NAALADL2: variants seen among roughly 807,000 people sequenced by gnomAD.
NAALADL2 encodes inactive N-acetylated-alpha-linked acidic dipeptidase-like protein 2.
NAALADL2 carries 76 observed loss-of-function variants against 87.2 expected under a neutral mutation model. The observed-to-expected ratio is 0.87, with a 90% CI of 0.72 to 1.05. NAALADL2 has a LOEUF of 1.05. Ranked by LOEUF, NAALADL2 falls within the 50% of genes least tolerant of loss-of-function variation. The pLI, the probability that NAALADL2 is intolerant of heterozygous loss-of-function variation, is 0.00. For missense variants in NAALADL2, 1,089 were observed against 945.8 expected, an observed-to-expected ratio of 1.15 and a Z score of -1.99; for synonymous variants, 354 against 331.0, an observed-to-expected ratio of 1.07 and a Z score of -0.75.
intron 2 of NAALADL2, among the ~76,000 whole-genome samples, chr3:175,133,899 T>C (rs1050798220): frequency 6.6e-6 from 1 of 152,204 alleles, no homozygotes; most frequent in East Asian, 1.9e-4. Context: ...TGAGGTGATG[T>C]AACTGAACAT....
chr3:175,661,236 C>T (rs1732206096), intron 11 of NAALADL2, among the ~76,000 whole-genome samples: 1 of 151,830 alleles, frequency 6.6e-6, no homozygotes, highest in South Asian at 2.1e-4. Flanking sequence ...TTGCATTTTC[C>T]TGTTGATTGA....
intron 11 of NAALADL2, among the ~76,000 whole-genome samples, chr3:175,631,378 A>T (rs1727738780): frequency 6.6e-6 from 1 of 151,838 alleles, no homozygotes; most frequent in African/African-American, 2.4e-5. Context: ...AATAAAATAA[A>T]TAAACCATAC....
rs528074390 is a variant in NAALADL2, at chr3:175,317,031, C to T, written c.940-7144C>T. Among the ~76,000 whole-genome samples the T allele has an allele frequency of 6.4e-4, 97 of 152,284 alleles. No homozygotes were observed. In the Middle Eastern group the frequency reaches 0.014, roughly 21 times the overall value. On this transcript the variant is annotated intron_variant, in intron 4 of 13. Transcript: ENST00000454872. The stretch of plus-strand genomic sequence containing the variant: ...GACAGTGGAAGAGGGAGCTAAATCA[C>T]ATATTGGGCTGTATCCCTTCAGGGC...
intron 1 of NAALADL2, among the ~76,000 whole-genome samples, chr3:174,987,995 T>A (rs1172456966): frequency 6.6e-6 from 1 of 151,432 alleles, no homozygotes; most frequent in Non-Finnish European, 1.5e-5. Context: ...ACCATAGCAA[T>A]GTATTTGATA....
At chr3:175,213,433 A>G (rs1336144171) in intron 2 of NAALADL2, among the ~76,000 whole-genome samples, 1 of 152,160 alleles carries the variant, frequency 6.6e-6, no homozygotes, top group Admixed American at 6.6e-5. Context: ...TCATGTAGGA[A>G]CTAGTGCTAT....
At chr3:175,352,144 C>G (rs1341788111) in intron 5 of NAALADL2, among the ~76,000 whole-genome samples, 1 of 149,278 alleles carries the variant, frequency 6.7e-6, no homozygotes, top group East Asian at 2.0e-4. Context: ...TGGTGAGAGA[C>G]AGAAGGAAAG....
intron 10 of NAALADL2, among the ~76,000 whole-genome samples, chr3:175,583,344 T>C (rs1720064954): frequency 6.6e-6 from 1 of 152,182 alleles, no homozygotes; most frequent in Admixed American, 6.5e-5. Context: ...CCATCGTAAG[T>C]TGGAGACTGT....
At chr3:174,789,702 A>G (rs1289646392) in intron 3 of NAALADL2, among the ~76,000 whole-genome samples, 1 of 152,230 alleles carries the variant, frequency 6.6e-6, no homozygotes, top group Non-Finnish European at 1.5e-5. Flanking sequence ...CTTTAACTGT[A>G]TACCATCAGC....
chr3:175,563,477 C>T (rs1256787627), intron 9 of NAALADL2, among the ~76,000 whole-genome samples: 3 of 152,070 alleles, frequency 2.0e-5, no homozygotes, highest in African/African-American at 4.8e-5. Context: ...TTTGGCACTC[C>T]GAGTCTAATT....
intron 2 of NAALADL2, chr3:175,218,156 C>A: frequency 2.3e-6 from 1 of 431,220 alleles, no homozygotes; most frequent in Non-Finnish European, 4.7e-6. Context: ...GCCAATATCT[C>A]TAAGAAGCAC....
chr3:175,212,966 G>C (rs1310665723), intron 2 of NAALADL2, among the ~76,000 whole-genome samples: 2 of 152,078 alleles, frequency 1.3e-5, no homozygotes, highest in Non-Finnish European at 2.9e-5. Flanking sequence ...AAGTAGTGGT[G>C]GTAGCAGTGC....
intron 5 of NAALADL2, among the ~76,000 whole-genome samples, chr3:175,394,070 A>G (rs539905876): frequency 1.3e-5 from 2 of 151,976 alleles, no homozygotes; most frequent in East Asian, 3.9e-4. Flanking sequence ...TTTTTGAAGA[A>G]GTCCAAGAAG....
chr3:174,836,733 A>G (rs988709309), intron 3 of NAALADL2, among the ~76,000 whole-genome samples: 1 of 148,054 alleles, frequency 6.8e-6, no homozygotes, highest in Non-Finnish European at 1.5e-5. Flanking sequence ...AAAAAAAAAA[A>G]TGCTTAAGAG....
chr3:175,636,419 C>T (rs898604431), intron 11 of NAALADL2, among the ~76,000 whole-genome samples: 6 of 151,996 alleles, frequency 3.9e-5, no homozygotes, highest in South Asian at 2.1e-4. Context: ...AAGGAATCGG[C>T]GGGGCACGGT....
At chr3:174,841,782 G>A (rs962385834) in intron 3 of NAALADL2, among the ~76,000 whole-genome samples, 1 of 152,086 alleles carries the variant, frequency 6.6e-6, no homozygotes, top group African/African-American at 2.4e-5. Context: ...TAGTGTTCTA[G>A]GGTTTTATCT....
intron 2 of NAALADL2, among the ~76,000 whole-genome samples, chr3:175,163,624 T>G (rs574267693): frequency 6.6e-6 from 1 of 152,262 alleles, no homozygotes; most frequent in South Asian, 2.1e-4. Flanking sequence ...CCATAACAAC[T>G]ATTCATACAT....
At chr3:174,828,448 A>C (rs1235669478) in intron 3 of NAALADL2, among the ~76,000 whole-genome samples, 1 of 152,184 alleles carries the variant, frequency 6.6e-6, no homozygotes, top group Non-Finnish European at 1.5e-5. Context: ...GAAAGAGTGT[A>C]TATATTCTGA....
chr3:175,595,992 A>G (rs1227963877), intron 10 of NAALADL2, among the ~76,000 whole-genome samples: 2 of 152,052 alleles, frequency 1.3e-5, no homozygotes, highest in Non-Finnish European at 2.9e-5. Flanking sequence ...TAAATTACAT[A>G]TAAAAATATC....
chr3:174,789,166 AG>A (rs1159637059), intron 3 of NAALADL2, among the ~76,000 whole-genome samples: 1 of 152,210 alleles, frequency 6.6e-6, no homozygotes, highest in Non-Finnish European at 1.5e-5. Context: ...TCTTCTGACC[AG>A]TGGTACATGC....
Sources: allele counts gnomAD v4.1 joint callset (sites outside exome capture counted in the v4.1 genomes callset), GRCh38; gene constraint gnomAD v4.1.1; transcripts MANE v1.5; gene names NCBI Gene and HGNC (gene_info 2026-07-23, HGNC 2026-07-21).